The following RANBP2 variants were observed in gnomAD, a reference collection of about 807,000 sequenced individuals.
RANBP2 encodes RAN binding protein 2, also known as E3 SUMO-protein ligase RanBP2.
In RANBP2, 57 loss-of-function variants were observed where a neutral mutation model predicts 303.6. The ratio of observed to expected loss-of-function variants is 0.19; its 90% CI spans 0.15 to 0.23. RANBP2 has a LOEUF of 0.23. RANBP2 is among the 10% of genes least tolerant of loss of function. RANBP2 has a pLI of 1.00. For synonymous variants in RANBP2, 1,167 were observed against 1,301.5 expected (o/e 0.90, Z 2.23); for missense variants, 3,138 against 3,780.8 (o/e 0.83, Z 4.46).
the RANBP2 span, among the ~76,000 whole-genome samples, chr2:109,590,722 C>T: frequency 1.3e-5 from 2 of 152,172 alleles, no homozygotes; most frequent in African/African-American, 4.8e-5. Flanking sequence ...AGCCATTATG[C>T]CCAGCCATGA....
At chr2:109,721,574 C>T in the RANBP2 span, among the ~76,000 whole-genome samples, 4 of 152,198 alleles carry the variant, frequency 2.6e-5, no homozygotes, top group Non-Finnish European at 4.4e-5. Flanking sequence ...TCTCCAAGGC[C>T]GCACAGCTAG....
chr2:108,762,125 A>G lies in RANBP2; in HGVS notation c.2627A>G (p.Tyr876Cys). 6.3e-7 allele frequency: 1 copy of G among 1,596,106 alleles called. No individual in the cohort carries two copies. Among genetic ancestry groups the G allele is most frequent in the Non-Finnish European group, 8.5e-7 (1 of 1,179,228 alleles). ...LTVATTGPSV[Y>C]YSQSPAYNSQ... ...GTTGCAACTACTGGCCCTTCAGTAT[A>G]TTATAGTCAGTCACCAGCATATAAT... Residue 876 changes from tyrosine to cysteine, a missense_variant, in exon 19 of 29, where the codon TAT becomes TGT. Around this residue, in one of 20 missense-constraint regions of RANBP2, gnomAD observed 26 missense variants for 58.0 expected, o/e 0.45. Coordinates refer to ENST00000283195, the MANE Select transcript of RANBP2 (RefSeq NM_006267.5).
At chr2:109,578,732 A>T in the RANBP2 span, among the ~76,000 whole-genome samples, 1 of 152,028 alleles carries the variant, frequency 6.6e-6, no homozygotes, top group Non-Finnish European at 1.5e-5. Flanking sequence ...GTGCCACTGC[A>T]CTCTAGCCTG....
rs150038362 is a variant in RANBP2 at position 108,768,107 on chromosome 2, G to A, written c.7568G>A (p.Ser2523Asn). 4 of 1,611,906 alleles carry A rather than the reference G, an allele frequency of 2.5e-6. No homozygotes were observed. The highest frequency in any genetic ancestry group is 2.7e-5 in the African/African-American group (2 of 74,870). Residue 2523 changes from serine to asparagine, a missense_variant, in exon 20 of 29, where the codon AGC (serine) becomes AAC (asparagine). By Grantham distance (46) the Ser-to-Asn change is conservative (BLOSUM62 1). Around this residue, in one of 20 missense-constraint regions of RANBP2, gnomAD observed 497 missense variants for 465.8 expected, o/e 1.07. Transcript: ENST00000283195. ...GTATTTGGTTCAGAGTCTGTTAAAA[G>A]CATTTTTAGTAGTGAAAAATCAAAA... Reference protein sequence around the residue: ...KFVFGSESVKSIFSSEKSKPF... With the variant: ...KFVFGSESVKNIFSSEKSKPF...
chr2:108,944,997 T>C, the RANBP2 span, among the ~76,000 whole-genome samples: 1 of 152,170 alleles, frequency 6.6e-6, no homozygotes, highest in Non-Finnish European at 1.5e-5. Flanking sequence ...GATCACCGTA[T>C]TATACCAGCC....
chr2:109,309,335 A>G, the RANBP2 span, among the ~76,000 whole-genome samples: 3 of 150,674 alleles, frequency 2.0e-5, no homozygotes, highest in African/African-American at 7.4e-5. Context: ...CTGAGACAAA[A>G]GAGCTCCTGA....
the RANBP2 span, among the ~76,000 whole-genome samples, chr2:109,521,814 A>G: frequency 6.6e-6 from 1 of 152,116 alleles, no homozygotes; most frequent in Non-Finnish European, 1.5e-5. Context: ...CACTTTAATT[A>G]CAGATTTAAT....
chr2:109,033,552 A>G, the RANBP2 span, among the ~76,000 whole-genome samples: 1 of 152,218 alleles, frequency 6.6e-6, no homozygotes, highest in Non-Finnish European at 1.5e-5. Flanking sequence ...GGGAAGAAAG[A>G]TAACAGTGTG....
chr2:109,546,618 A>C, the RANBP2 span, among the ~76,000 whole-genome samples: 11 of 152,328 alleles, frequency 7.2e-5, no homozygotes, highest in East Asian at 1.2e-3. Context: ...GAAAGGAAAA[A>C]AACAACAACA....
the RANBP2 span, among the ~76,000 whole-genome samples, chr2:109,717,789 C>T: frequency 2.0e-5 from 3 of 151,366 alleles, no homozygotes; most frequent in African/African-American, 7.3e-5. Flanking sequence ...TAGCAGGTGC[C>T]TGTAGTCCCA....
chr2:109,696,175 G>A, the RANBP2 span, among the ~76,000 whole-genome samples: 1 of 152,062 alleles, frequency 6.6e-6, no homozygotes, highest in Non-Finnish European at 1.5e-5. Context: ...ATGTTGGCCT[G>A]GCTGGTCTCA....
the RANBP2 span, chr2:109,419,582 G>T: frequency 1.3e-6 from 2 of 1,597,496 alleles, no homozygotes; most frequent in East Asian, 2.3e-5. Flanking sequence ...GCTGTCCCAC[G>T]GGCTGCCTCG....
chr2:109,073,215 TA>T, the RANBP2 span, among the ~76,000 whole-genome samples: 1 of 151,816 alleles, frequency 6.6e-6, no homozygotes, highest in Non-Finnish European at 1.5e-5. Flanking sequence ...TAGAAAATAT[TA>T]AAAAGTGCCA....
chr2:109,361,169 T>C, the RANBP2 span, among the ~76,000 whole-genome samples: 3 of 152,358 alleles, frequency 2.0e-5, no homozygotes, highest in African/African-American at 4.8e-5. Context: ...ATACCTGGGA[T>C]AAATTCCACT....
At chr2:108,779,175 C>A (rs1678075216) in intron 25 of RANBP2, among the ~76,000 whole-genome samples, 1 of 148,714 alleles carries the variant, frequency 6.7e-6, no homozygotes, top group Non-Finnish European at 1.5e-5. Context: ...CTTTCTGTCT[C>A]TTTTTTTTGA....
At chr2:109,229,564 T>A in the RANBP2 span, among the ~76,000 whole-genome samples, 7 of 152,106 alleles carry the variant, frequency 4.6e-5, no homozygotes, top group African/African-American at 1.7e-4. Flanking sequence ...GGGCTCTGAA[T>A]TGGTGGGTTT....
At chr2:108,904,552 G>A in the RANBP2 span, among the ~76,000 whole-genome samples, 40 of 150,578 alleles carry the variant, frequency 2.7e-4, no homozygotes, top group African/African-American at 9.5e-4. Flanking sequence ...CCGTTAAGTG[G>A]AAATAACCCT....
At chr2:109,165,800 A>G in the RANBP2 span, among the ~76,000 whole-genome samples, 1 of 152,178 alleles carries the variant, frequency 6.6e-6, no homozygotes, top group African/African-American at 2.4e-5. Context: ...TGAGTGTGTT[A>G]AATGAGTTTA....
At position 108,765,082 on chromosome 2, in the gene RANBP2, A is replaced by G. The variant is rs1210169194; in HGVS notation, c.4543A>G (p.Ile1515Val). ...AAAACAGAGTCTACCTGCTACTTCT[A>G]TTCCAACACCTGCCTCTTTTAAGTT... is the stretch of plus-strand genomic sequence containing the variant. The part of the protein sequence containing the change: ...PRKQSLPATS[I>V]PTPASFKFGT... Residue 1515 changes from isoleucine (I) to valine (V), a missense_variant, in exon 20 of 29, where the codon ATT (isoleucine) becomes GTT (valine). This residue lies in a region of RANBP2 where 388 missense variants were observed against 328.5 expected (regional missense o/e 1.18). Transcript: ENST00000283195. The G allele has an allele frequency of 8.1e-6, 13 of 1,613,872 alleles. No individual in the cohort carries two copies. Among genetic ancestry groups the G allele is most frequent in the Admixed American group, 3.3e-5 (2 of 59,976 alleles).
Sources: gnomAD v4.1 joint callset for allele counts (sites outside exome capture counted in the v4.1 genomes callset) on GRCh38, gnomAD v4.1.1 for gene constraint, gnomAD v4.1.1 regional missense constraint, MANE v1.5 for transcripts, NCBI Gene and HGNC (gene_info 2026-07-23, HGNC 2026-07-21) for gene names.